Variants in FCRL3 observed in about 807,000 individuals in gnomAD.
FCRL3 encodes the protein Fc receptor like 3, also known as Fc receptor-like protein 3.
In FCRL3, 89 loss-of-function variants were observed where a neutral mutation model predicts 75.0. That is an observed-to-expected ratio of 1.19 (90% CI 1.00 to 1.42). The LOEUF is 1.42. Among genes scored for constraint, FCRL3 ranks in the 40% most tolerant of loss-of-function variants. The probability of loss-of-function intolerance (pLI) is 0.00; values close to 1 mark genes in which losing one functional copy is unlikely to be tolerated. For missense variants in FCRL3, 946 were observed against 880.0 expected (o/e 1.07, Z -0.95); for synonymous variants, 376 against 348.5 (o/e 1.08, Z -0.88).
At position 157,682,651 on chromosome 1, in the gene FCRL3, A is replaced by G. The variant is rs551503935; in HGVS notation, c.1838+566T>C. ...TTAAATGTTATTTTTGAAGATGTAA[A>G]TGATTAAACACTGATACACAAAGAC... is the stretch of plus-strand genomic sequence containing the variant. On this transcript the variant is annotated intron_variant, in intron 11 of 14. Transcript: ENST00000368184. 1.5e-3 allele frequency among the ~76,000 whole-genome samples: 230 copies of G among 152,372 alleles called. 4 individuals are homozygous for G. The Middle Eastern group carries it at 0.024, about 16-fold the overall frequency.
chr1:157,683,216 C>A lies in FCRL3; in HGVS notation c.1838+1G>T. ...GGCAGCACAAGAAGCAGAGACCTCACCTAGATGTTCCAGTGGCAGAAAGTC... is the reference window on the plus strand; with the variant it reads ...GGCAGCACAAGAAGCAGAGACCTCAACTAGATGTTCCAGTGGCAGAAAGTC... On this transcript the variant is annotated splice_donor_variant, in intron 11 of 14. Coordinates refer to ENST00000368184, the MANE Select transcript of FCRL3 (RefSeq NM_052939.4). LOFTEE classifies it high-confidence loss of function. 6.2e-7 allele frequency: 1 copy of A among 1,613,314 alleles called. No homozygotes were observed. The highest frequency in any genetic ancestry group is 8.5e-7 in the Non-Finnish European group (1 of 1,179,640).
In FCRL3 at chr1:157,698,347, G is replaced by A. The variant is rs200517017; in HGVS notation, c.298+37C>T. 280 of 1,611,418 alleles carry A rather than the reference G, an allele frequency of 1.7e-4. 1 individual carries two copies. The Middle Eastern group carries it at 5.3e-3, about 30-fold the overall frequency. ...ACCCGGCCCTCAGGCATTCTGCCTG[G>A]TGGCTTGACTTTAGACACTCCCCTT... is the stretch of plus-strand genomic sequence containing the variant. On this transcript the variant is annotated intron_variant, in intron 4 of 14. Transcript: ENST00000368184.
At position 157,676,799 on chromosome 1, in the gene FCRL3, G is replaced by T; in HGVS notation, c.*1911C>A. 6.5e-7 allele frequency: 1 copy of T among 1,549,582 alleles called. No individual in the cohort carries two copies. The highest frequency in any genetic ancestry group is 1.2e-5 in the South Asian group (1 of 83,938). On this transcript the variant is annotated 3_prime_UTR_variant, in exon 15 of 15. Transcript: ENST00000368184. Reference sequence around the variant, plus strand: ...AAATGGATAAACAATGATAAGAGATGACAGGTCCCTTAGAGAAAGTTCACT... The same window carrying T: ...AAATGGATAAACAATGATAAGAGATTACAGGTCCCTTAGAGAAAGTTCACT...
intron 14 of FCRL3, 28 bp from the exon 15 acceptor site, chr1:157,678,884 T>C: frequency 6.2e-7 from 1 of 1,613,906 alleles, no homozygotes; most frequent in Non-Finnish European, 8.5e-7. Context: ...AAAAGGTAAG[T>C]ACCTAAATAC....
At chr1:157,690,040 A>G in intron 9 of FCRL3, 123 bp from the exon 10 acceptor site, 1 of 1,438,368 alleles carries the variant, frequency 7.0e-7, no homozygotes. Flanking sequence ...TGTAATTTTC[A>G]AAACTATGGC....
intron 11 of FCRL3, among the ~76,000 whole-genome samples, chr1:157,682,436 G>A (rs903106072): frequency 6.6e-6 from 1 of 152,064 alleles, no homozygotes; most frequent in Non-Finnish European, 1.5e-5. Flanking sequence ...TGTAAGGAAG[G>A]GATCCAGTTT....
chr1:157,695,623 G>A lies in FCRL3; in HGVS notation c.1133-16C>T, dbSNP rs1373465183. The A allele has an allele frequency of 6.3e-7, 1 of 1,582,336 alleles. No individual in the cohort carries two copies. Among genetic ancestry groups the A allele is most frequent in the Non-Finnish European group, 8.6e-7 (1 of 1,165,152 alleles). ...GATACCGGAACTGAAGGAGACAAAA[G>A]GGCTGTCAGAGGATTCTGACGTTGT... is the stretch of plus-strand genomic sequence containing the variant. On this transcript the variant is annotated splice_polypyrimidine_tract_variant and intron_variant, in intron 7 of 14. Coordinates refer to ENST00000368184, the MANE Select transcript of FCRL3 (RefSeq NM_052939.4).
At position 157,697,838 on chromosome 1, in the gene FCRL3, T is replaced by A; in HGVS notation, c.380A>T (p.Asn127Ile). ...CTTGTAGTAAACCTTTTGATGAGTG[T>A]TTTTGTTGTCTTTCCCCTGACATCT... ...ILRCQGKDNK[N>I]THQKVYYKDG... The change falls in exon 5 of 15, where the codon AAC (asparagine) becomes ATC (isoleucine). Residue 127 changes from asparagine to isoleucine, a missense_variant. Physicochemically the swap from Asn to Ile is moderately radical, Grantham distance 149 (BLOSUM62 -3). Coordinates refer to ENST00000368184, the MANE Select transcript of FCRL3 (RefSeq NM_052939.4). The A allele has an allele frequency of 6.2e-7, 1 of 1,614,134 alleles. No individual in the cohort carries two copies. Among genetic ancestry groups the A allele is most frequent in the East Asian group, 2.2e-5 (1 of 44,876 alleles).
chr1:157,676,637 G>T lies in FCRL3; in HGVS notation c.*2073C>A. 2 of 1,336,660 alleles carry T rather than the reference G, an allele frequency of 1.5e-6. No individual in the cohort carries two copies. The highest frequency in any genetic ancestry group is 1.3e-5 in the South Asian group (1 of 77,794). The allele number at this position is 1,336,660 out of a possible 1,614,324, so 82.8% of individuals were successfully genotyped here. A position where few individuals can be genotyped will look rare whatever the true frequency, so the allele number is the denominator to read the frequency against. ...TTTACAGGGCAATCAATCAGAATTT[G>T]CACATTTGTTATATCCGAGATGTAC... On this transcript the variant is annotated 3_prime_UTR_variant, in exon 15 of 15. Coordinates refer to ENST00000368184, the MANE Select transcript of FCRL3 (RefSeq NM_052939.4).
chr1:157,696,106 A>C lies in FCRL3; in HGVS notation c.1066T>G (p.Tyr356Asp), dbSNP rs371587126. The C allele has an allele frequency of 1.4e-5, 22 of 1,613,698 alleles. No homozygotes were observed. In the African/African-American group the frequency reaches 2.7e-4, roughly 20 times the overall value. Residue 356 changes from tyrosine to aspartate, a missense_variant, in exon 7 of 15, where the codon TAC becomes GAC. Transcript: ENST00000368184. ...TGAACGTTATCAGCTGCACAGTAGTATCTCCCTGCATCACTCTCCTTCACG... is the reference window on the plus strand; with the variant it reads ...TGAACGTTATCAGCTGCACAGTAGTCTCTCCCTGCATCACTCTCCTTCACG... ...LTVKESDAGR[Y>D]YCAADNVHSP...
chr1:157,682,116 T>G (rs1227741015), intron 11 of FCRL3, among the ~76,000 whole-genome samples: 3 of 152,228 alleles, frequency 2.0e-5, no homozygotes, highest in Admixed American at 6.5e-5. Flanking sequence ...TAAATTTGTT[T>G]GAGTTCATCG....
In FCRL3 at chr1:157,676,654, G is replaced by A. The variant is rs1408768937; in HGVS notation, c.*2056C>T. 9.0e-6 allele frequency: 13 copies of A among 1,449,062 alleles called. No homozygotes were observed. The Admixed American group carries it at 1.4e-4, about 15-fold the overall frequency. The allele number at this position is 1,449,062 out of a possible 1,614,324, so 89.8% of individuals were successfully genotyped here. A position where few individuals can be genotyped will look rare whatever the true frequency, so the allele number is the denominator to read the frequency against. ...CAGAATTTGCACATTTGTTATATCC[G>A]AGATGTACAGTTAGGACTCACCCCT... On this transcript the variant is annotated 3_prime_UTR_variant, in exon 15 of 15. Transcript: ENST00000368184.
chr1:157,700,458 C>A lies in FCRL3; in HGVS notation c.31+1G>T, dbSNP rs912993102. ...GGCCCCATTATAGCCCATCTACTCA[C>A]TCAGGATCAGCAGCAGCAGCCACAG... On this transcript the variant is annotated splice_donor_variant, in intron 2 of 14. Coordinates refer to ENST00000368184, the MANE Select transcript of FCRL3 (RefSeq NM_052939.4). LOFTEE classifies it high-confidence loss of function. 1 of 1,613,990 alleles carries A rather than the reference C, an allele frequency of 6.2e-7. No individual in the cohort carries two copies. The highest frequency in any genetic ancestry group is 8.5e-7 in the Non-Finnish European group (1 of 1,179,960).
intron 2 of FCRL3, among the ~76,000 whole-genome samples, chr1:157,699,981 G>A (rs1199182336): frequency 6.6e-6 from 1 of 152,128 alleles, no homozygotes; most frequent in Non-Finnish European, 1.5e-5. Flanking sequence ...AGGCAGACAA[G>A]GACTTACAGA....
rs1400314988 is a variant in FCRL3 at position 157,700,661 on chromosome 1, C to T, written c.-97+1G>A. The T allele has an allele frequency of 2.0e-6, 3 of 1,474,276 alleles. No homozygotes were observed. The highest frequency in any genetic ancestry group is 2.8e-5 in the African/African-American group (2 of 70,186). The allele number at this position is 1,474,276 out of a possible 1,614,324, so 91.3% of individuals were successfully genotyped here. On this transcript the variant is annotated splice_donor_variant, in intron 1 of 14. Transcript: ENST00000368184. LOFTEE classifies it low-confidence loss of function (5UTR_SPLICE). ...GGCTCTGAAAATGTGAATGTGGCTACCTTCCTAAATGCTGTTTGTATCTCA... is the reference window on the plus strand; with the variant it reads ...GGCTCTGAAAATGTGAATGTGGCTATCTTCCTAAATGCTGTTTGTATCTCA...
chr1:157,698,720 C>T, intron 3 of FCRL3, 91 bp from the exon 4 acceptor site: 1 of 1,367,612 alleles, frequency 7.3e-7, no homozygotes, highest in Non-Finnish European at 1.0e-6. Flanking sequence ...CAGGAGTTTT[C>T]CTGGACTAAT....
rs552919170 is a variant in FCRL3, at chr1:157,698,664, G to A, written c.53-35C>T. On this transcript the variant is annotated intron_variant, in intron 3 of 14. Transcript: ENST00000368184. Reference sequence around the variant, plus strand: ...AAATAGAAAGATGAAGGCAGGGGAAGGTCAATGGGAGGTGGGCACAGCACA... The same window carrying A: ...AAATAGAAAGATGAAGGCAGGGGAAAGTCAATGGGAGGTGGGCACAGCACA... 56 of 1,610,970 alleles carry A rather than the reference G, an allele frequency of 3.5e-5. No homozygotes were observed. The East Asian group carries it at 1.2e-3, about 33-fold the overall frequency.
intron 8 of FCRL3, among the ~76,000 whole-genome samples, chr1:157,694,080 T>C (rs1413498174): frequency 1.3e-5 from 2 of 152,146 alleles, no homozygotes; most frequent in Non-Finnish European, 2.9e-5. Flanking sequence ...TTCTGTTTGT[T>C]TTGTAATGTG....
chr1:157,693,656 T>C (rs1374429509), intron 8 of FCRL3, among the ~76,000 whole-genome samples: 1 of 152,224 alleles, frequency 6.6e-6, no homozygotes, highest in Non-Finnish European at 1.5e-5. Flanking sequence ...TCAAAGATTT[T>C]AAAATATTGT....
Sources: allele counts gnomAD v4.1 joint callset (sites outside exome capture counted in the v4.1 genomes callset), GRCh38; gene constraint gnomAD v4.1.1; transcripts MANE v1.5; gene names NCBI Gene and HGNC (gene_info 2026-07-23, HGNC 2026-07-21).